Variants in FMNL2 observed in about 807,000 individuals in gnomAD.
The protein encoded by FMNL2 is formin-like protein 2.
FMNL2 carries 51 observed loss-of-function variants against 130.2 expected under a neutral mutation model. The ratio of observed to expected loss-of-function variants is 0.39; its 90% confidence interval spans 0.31 to 0.49. FMNL2 has a LOEUF of 0.49. Among genes scored for constraint, FMNL2 ranks in the 20% least tolerant of loss-of-function variants. The pLI is 0.85. For missense variants in FMNL2, 977 were observed against 1,316.2 expected (o/e 0.74, Z 3.99); for synonymous variants, 465 against 467.1 (o/e 1.00, Z 0.06).
At chr2:152,420,799 C>T (rs1686869720) in intron 1 of FMNL2, among the ~76,000 whole-genome samples, 1 of 152,160 alleles carries the variant, frequency 6.6e-6, no homozygotes, top group Non-Finnish European at 1.5e-5. Context: ...GTGACGGTAC[C>T]TTTGTAAGTT....
At chr2:152,335,809 C>T (rs1681377379) in intron 1 of FMNL2, 89 bp downstream of exon 1, 3 of 993,284 alleles carry the variant, frequency 3.0e-6, no homozygotes, top group East Asian at 6.9e-5. Context: ...TCACCCCGTG[C>T]CGGGAGCGAG....
chr2:152,538,481 C>T (rs1399914561), intron 2 of FMNL2, among the ~76,000 whole-genome samples: 3 of 152,062 alleles, frequency 2.0e-5, no homozygotes, highest in African/African-American at 4.8e-5. Flanking sequence ...GGTTTCACCA[C>T]GTTGGCCAGG....
At chr2:152,380,848 A>T (rs926642188) in intron 1 of FMNL2, among the ~76,000 whole-genome samples, 7 of 152,216 alleles carry the variant, frequency 4.6e-5, no homozygotes, top group African/African-American at 1.7e-4. Flanking sequence ...GTTTAAGAGC[A>T]TGCAGGGTGG....
At chr2:152,624,477 TTTTA>T (rs1356160633) in intron 15 of FMNL2, among the ~76,000 whole-genome samples, 15 of 146,760 alleles carry the variant, frequency 1.0e-4, no homozygotes, top group Non-Finnish European at 1.8e-4. Context: ...CCCCCGCCCC[TTTTA>T]TTTATTTATT....
Position 152,604,937 on chromosome 2 carries a change from T to C in FMNL2, c.877-2402T>C, listed in dbSNP as rs536276291. On this transcript the variant is annotated intron_variant, in intron 9 of 25. Transcript: ENST00000288670. ...CTAAAGAAAATTCACATTGCAGTTCTGACCTTTCGTATAAAACCTCAGGGT... is the reference window on the plus strand; with the variant it reads ...CTAAAGAAAATTCACATTGCAGTTCCGACCTTTCGTATAAAACCTCAGGGT... Among the ~76,000 whole-genome samples, 274 of 142,104 alleles carry C rather than the reference T, an allele frequency of 1.9e-3. 1 individual carries two copies. The highest frequency in any genetic ancestry group is 3.6e-3 in the Non-Finnish European group (229 of 63,294). 93.2% of individuals were successfully genotyped at this position (142,104 alleles called of 152,430 possible).
At chr2:152,381,061 A>G (rs1684435154) in intron 1 of FMNL2, among the ~76,000 whole-genome samples, 1 of 152,220 alleles carries the variant, frequency 6.6e-6, no homozygotes, top group Admixed American at 6.5e-5. Flanking sequence ...CAAATGATGT[A>G]AAAGAAGCCT....
At chr2:152,401,286 G>C (rs1685680757) in intron 1 of FMNL2, among the ~76,000 whole-genome samples, 1 of 152,176 alleles carries the variant, frequency 6.6e-6, no homozygotes, top group Admixed American at 6.5e-5. Flanking sequence ...ATTTAAATGT[G>C]TCCTGTCAAA....
At chr2:152,535,785 A>G (rs1579906492) in intron 2 of FMNL2, among the ~76,000 whole-genome samples, 1 of 152,312 alleles carries the variant, frequency 6.6e-6, no homozygotes, top group South Asian at 2.1e-4. Context: ...TTAGAATCTC[A>G]TCTGAACTTG....
chr2:152,449,868 C>T (rs1261407434), intron 1 of FMNL2, among the ~76,000 whole-genome samples: 3 of 152,190 alleles, frequency 2.0e-5, no homozygotes, highest in Non-Finnish European at 2.9e-5. Context: ...CCTACATTTT[C>T]CCAGAGTAGT....
chr2:152,424,922 T>C (rs1233018574), intron 1 of FMNL2, among the ~76,000 whole-genome samples: 1 of 152,206 alleles, frequency 6.6e-6, no homozygotes, highest in Non-Finnish European at 1.5e-5. Flanking sequence ...TAGTTGCCCA[T>C]AGGAACATTT....
intron 1 of FMNL2, among the ~76,000 whole-genome samples, chr2:152,425,319 A>G (rs780134347): frequency 6.6e-6 from 1 of 152,168 alleles, no homozygotes; most frequent in Non-Finnish European, 1.5e-5. Context: ...GTTATTTGAG[A>G]TGGAGTAACT....
In FMNL2 at chr2:152,515,819, C is replaced by T. The variant is rs1362876929; in HGVS notation, c.118-6124C>T. Among the ~76,000 whole-genome samples, 5 of 152,232 alleles carry T rather than the reference C, an allele frequency of 3.3e-5. No homozygotes were observed. The South Asian group carries it at 6.2e-4, about 19-fold the overall frequency. On this transcript the variant is annotated intron_variant, in intron 1 of 25. Transcript: ENST00000288670. ...CCTAAGTGCCTGAGACATACCAGTC[C>T]GTCAATAAATGGTACATCTTGTTGT...
At chr2:152,632,921 T>C (rs2105938806) in intron 21 of FMNL2, among the ~76,000 whole-genome samples, 1 of 152,228 alleles carries the variant, frequency 6.6e-6, no homozygotes, top group African/African-American at 2.4e-5. Flanking sequence ...AAATTCAGAT[T>C]CCTGTGGGGT....
At chr2:152,504,249 G>A (rs1378657739) in intron 1 of FMNL2, among the ~76,000 whole-genome samples, 1 of 150,804 alleles carries the variant, frequency 6.6e-6, no homozygotes, top group Non-Finnish European at 1.5e-5. Flanking sequence ...CTACCCACAT[G>A]CAGGGAGGCT....
intron 1 of FMNL2, among the ~76,000 whole-genome samples, chr2:152,452,763 G>A (rs907522019): frequency 4.4e-5 from 6 of 135,032 alleles, no homozygotes; most frequent in Admixed American, 1.6e-4. Flanking sequence ...TTTGTCGAGG[G>A]CCCGATGGGG....
At chr2:152,558,862 T>G (rs6434098) in intron 5 of FMNL2, 39 bp downstream of exon 5, 1,199,614 of 1,562,726 alleles carry the variant, frequency 0.77, 462,511 homozygotes, top group African/African-American at 0.86. Flanking sequence ...GAATTTTATG[T>G]GGTCACAGCA....
intron 15 of FMNL2, among the ~76,000 whole-genome samples, chr2:152,620,444 AC>A (rs1699192018): frequency 6.6e-6 from 1 of 152,150 alleles, no homozygotes; most frequent in Admixed American, 6.5e-5. Flanking sequence ...GTTTTGACTC[AC>A]GGAAACAAAG....
At chr2:152,343,926 G>C (rs1352160745) in intron 1 of FMNL2, among the ~76,000 whole-genome samples, 1 of 152,174 alleles carries the variant, frequency 6.6e-6, no homozygotes, top group African/African-American at 2.4e-5. Context: ...GCCAAGACAG[G>C]AGGATCACTT....
rs144947798 is a variant in FMNL2, at chr2:152,604,115, C to A, written c.877-3224C>A. 3.4e-3 allele frequency among the ~76,000 whole-genome samples: 511 copies of A among 151,034 alleles called. 9 individuals carry two copies. The highest frequency in any genetic ancestry group is 0.012 in the African/African-American group (493 of 41,440). On this transcript the variant is annotated intron_variant, in intron 9 of 25. Coordinates refer to ENST00000288670, the MANE Select transcript of FMNL2 (RefSeq NM_052905.4). ...AGTATGCATGGTATAATGACTATGT[C>A]TTTTAGTGATAATGTTTTTCATCTC...
Sources: allele counts gnomAD v4.1 joint callset (sites outside exome capture counted in the v4.1 genomes callset), GRCh38; gene constraint gnomAD v4.1.1; transcripts MANE v1.5; gene names NCBI Gene and HGNC (gene_info 2026-07-23, HGNC 2026-07-21).